SLC4A5: variants seen among roughly 807,000 people sequenced by gnomAD.
SLC4A5 encodes solute carrier family 4 member 5, also known as electrogenic sodium bicarbonate cotransporter 4.
Under a neutral mutation model 120.4 loss-of-function variants are expected in SLC4A5, and 96 were observed. The observed-to-expected ratio is 0.80, with a 90% CI of 0.68 to 0.94. SLC4A5 has a LOEUF of 0.94. SLC4A5 is among the 40% of genes least tolerant of loss of function. SLC4A5 has a pLI of 0.00. For missense variants in SLC4A5, 1,259 were observed against 1,459.5 expected (o/e 0.86, Z 2.24); for synonymous variants, 550 against 571.1 (o/e 0.96, Z 0.53).
At chr2:74,305,590 A>G (rs1348495967) in intron 6 of SLC4A5, among the ~76,000 whole-genome samples, 1 of 152,080 alleles carries the variant, frequency 6.6e-6, no homozygotes, top group Non-Finnish European at 1.5e-5. Flanking sequence ...AGATACTTCT[A>G]TGGGTTTTGA....
chr2:74,273,289 A>G (rs1671533802), intron 8 of SLC4A5, among the ~76,000 whole-genome samples: 2 of 152,228 alleles, frequency 1.3e-5, no homozygotes, highest in African/African-American at 4.8e-5. Context: ...TGTCTTGGTT[A>G]GTTTGTTTGC....
chr2:74,282,391 A>G (rs1371714918), intron 8 of SLC4A5, among the ~76,000 whole-genome samples: 1 of 152,238 alleles, frequency 6.6e-6, no homozygotes, highest in African/African-American at 2.4e-5. Flanking sequence ...GGGTTCGACC[A>G]CTTTAACTTC....
At chr2:74,237,959 G>A (rs573924468) in intron 21 of SLC4A5, among the ~76,000 whole-genome samples, 9 of 149,678 alleles carry the variant, frequency 6.0e-5, no homozygotes, top group Non-Finnish European at 8.8e-5. Flanking sequence ...AAAATTAGCC[G>A]GGTGTGGTGG....
intron 7 of SLC4A5, among the ~76,000 whole-genome samples, chr2:74,296,306 G>A (rs972718831): frequency 1.3e-5 from 2 of 151,982 alleles, no homozygotes; most frequent in Admixed American, 6.6e-5. Flanking sequence ...CCCAGGGTTG[G>A]GGGGAGCATA....
intron 30 of SLC4A5, among the ~76,000 whole-genome samples, chr2:74,220,926 T>C (rs181157424): frequency 1.0e-3 from 144 of 142,026 alleles, no homozygotes; most frequent in African/African-American, 4.6e-4. Context: ...CTGCAAGCTC[T>C]GCCTCCTGGG....
At chr2:74,250,208 G>T in intron 17 of SLC4A5, 135 bp downstream of exon 17, 1 of 756,790 alleles carries the variant, frequency 1.3e-6, no homozygotes, top group Non-Finnish European at 2.1e-6. Flanking sequence ...GAAGCGTAAA[G>T]GATTACAAAT....
intron 8 of SLC4A5, among the ~76,000 whole-genome samples, chr2:74,285,495 T>C (rs1167000674): frequency 6.6e-6 from 1 of 152,212 alleles, no homozygotes; most frequent in Non-Finnish European, 1.5e-5. Flanking sequence ...GCCCTATGGA[T>C]ATGGAGGGAC....
intron 7 of SLC4A5, among the ~76,000 whole-genome samples, chr2:74,287,691 C>T (rs931093856): frequency 1.1e-4 from 16 of 152,194 alleles, no homozygotes; most frequent in African/African-American, 3.9e-4. Context: ...TCAACTCCTA[C>T]CCCACTTCAC....
intron 5 of SLC4A5, 81 bp from the exon 6 acceptor site, chr2:74,315,106 G>T: frequency 8.7e-7 from 1 of 1,153,370 alleles, no homozygotes; most frequent in Non-Finnish European, 1.3e-6. Context: ...CAAATCCACA[G>T]TCATAATGGG....
chr2:74,267,544 CTT>C lies in SLC4A5; in HGVS notation c.402-2282_402-2281del, dbSNP rs1402708961. ...CCATTTTATAAAAAAGAAAAACACA[CTT>C]GTGTGTGTGCACACATGTGTCTGGA... On this transcript the variant is annotated intron_variant, in intron 8 of 30. Transcript: ENST00000394019. 3.3e-5 allele frequency among the ~76,000 whole-genome samples: 5 copies of C among 152,226 alleles called. No homozygotes were observed. The East Asian group carries it at 5.8e-4, about 18-fold the overall frequency.
At chr2:74,269,572 TC>T (rs1258467046) in intron 8 of SLC4A5, among the ~76,000 whole-genome samples, 1 of 152,116 alleles carries the variant, frequency 6.6e-6, no homozygotes, top group African/African-American at 2.4e-5. Context: ...CAACTTTTCT[TC>T]CTGAGGATCG....
At chr2:74,313,651 T>G (rs1272709003) in intron 6 of SLC4A5, among the ~76,000 whole-genome samples, 1 of 152,212 alleles carries the variant, frequency 6.6e-6, no homozygotes, top group Non-Finnish European at 1.5e-5. Context: ...ATGACTAGTT[T>G]CCCTTCTTCC....
Position 74,227,803 on chromosome 2 carries a change from G to A in SLC4A5, c.2916+7C>T. ...GATCATGAAGGGATCTGGAGGGAAA[G>A]CCTTACCTGGATGCCATTCAGGGAG... On this transcript the variant is annotated splice_region_variant and intron_variant, in intron 26 of 30. Coordinates refer to ENST00000394019, the Ensembl canonical transcript of SLC4A5. 6.2e-7 allele frequency: 1 copy of A among 1,605,652 alleles called. No individual in the cohort carries two copies. The highest frequency in any genetic ancestry group is 8.5e-7 in the Non-Finnish European group (1 of 1,176,236).
At chr2:74,285,702 C>A in intron 8 of SLC4A5, 71 bp downstream of exon 8, 1 of 1,573,190 alleles carries the variant, frequency 6.4e-7, no homozygotes, top group South Asian at 1.1e-5. Context: ...CCACTTCCCA[C>A]CAGGAGGGTC....
At chr2:74,285,174 G>A (rs1401221841) in intron 8 of SLC4A5, among the ~76,000 whole-genome samples, 1 of 152,176 alleles carries the variant, frequency 6.6e-6, no homozygotes, top group Non-Finnish European at 1.5e-5. Context: ...GAGCCCAGGA[G>A]TTTGAGCCTG....
intron 17 of SLC4A5, among the ~76,000 whole-genome samples, chr2:74,248,776 C>T (rs756517833): frequency 3.9e-5 from 6 of 152,160 alleles, no homozygotes; most frequent in Admixed American, 1.3e-4. Flanking sequence ...CATTCTACTC[C>T]CAGAGGACAG....
At chr2:74,321,193 C>T (rs1366521615) in intron 5 of SLC4A5, among the ~76,000 whole-genome samples, 1 of 152,172 alleles carries the variant, frequency 6.6e-6, no homozygotes, top group African/African-American at 2.4e-5. Context: ...CTGCTAGTTA[C>T]TTCCCTGATG....
At chr2:74,327,052 T>C (rs564812232) in intron 5 of SLC4A5, among the ~76,000 whole-genome samples, 15 of 152,210 alleles carry the variant, frequency 9.9e-5, no homozygotes, top group Non-Finnish European at 1.6e-4. Flanking sequence ...CAAATCCTTA[T>C]TGAGTATCCA....
At chr2:74,292,663 G>A (rs929224611) in intron 7 of SLC4A5, among the ~76,000 whole-genome samples, 1 of 152,064 alleles carries the variant, frequency 6.6e-6, no homozygotes, top group East Asian at 1.9e-4. Context: ...AAAGAATCAT[G>A]CTTTTACTGG....
Sources: gnomAD v4.1 joint callset for allele counts (sites outside exome capture counted in the v4.1 genomes callset) on GRCh38, gnomAD v4.1.1 for gene constraint, MANE v1.5 for transcripts, NCBI Gene and HGNC (gene_info 2026-07-23, HGNC 2026-07-21) for gene names.